Variants in GFRA1 observed in about 807,000 individuals in gnomAD.
GFRA1 encodes the protein GDNF family receptor alpha 1, also known as GDNF family receptor alpha-1.
In GFRA1, 16 loss-of-function variants were observed where a neutral mutation model predicts 51.6. That is an observed-to-expected ratio of 0.31 (90% CI 0.21 to 0.47). The LOEUF is 0.47. Among genes scored for constraint, GFRA1 ranks in the 20% least tolerant of loss-of-function variants. The pLI, the probability that GFRA1 is intolerant of heterozygous loss-of-function variation, is 1.00. For synonymous variants in GFRA1, 270 were observed against 241.3 expected (o/e 1.12, Z -1.10); for missense variants, 530 against 594.3 (o/e 0.89, Z 1.13).
chr10:116,253,983 G>A (rs1459652392), intron 4 of GFRA1, among the ~76,000 whole-genome samples: 3 of 151,960 alleles, frequency 2.0e-5, no homozygotes, highest in South Asian at 2.1e-4. Flanking sequence ...TGCCCCTCAC[G>A]CATACTCAAG....
At chr10:116,205,737 G>A (rs191390164) in intron 5 of GFRA1, among the ~76,000 whole-genome samples, 1 of 151,832 alleles carries the variant, frequency 6.6e-6, no homozygotes, top group African/African-American at 2.4e-5. Flanking sequence ...AGCGGTGGGA[G>A]ACCCTTTAAA....
rs548341580 is a variant in GFRA1, at chr10:116,097,493, T to C, written c.771-729A>G. Among the ~76,000 whole-genome samples the C allele has an allele frequency of 3.3e-5, 5 of 152,228 alleles. No individual in the cohort carries two copies. In the South Asian group the frequency reaches 1.0e-3, roughly 32 times the overall value. ...GCCGGTGCAGTCCACCCAGAAGCCC[T>C]GGGTGGCAGTGAAGATGCAGCAGCC... On this transcript the variant is annotated intron_variant, in intron 6 of 10. Coordinates refer to ENST00000355422, the MANE Select transcript of GFRA1 (RefSeq NM_005264.8).
chr10:116,084,375 ACC>A (rs1287369296), intron 9 of GFRA1, among the ~76,000 whole-genome samples: 1 of 152,180 alleles, frequency 6.6e-6, no homozygotes, highest in Non-Finnish European at 1.5e-5. Flanking sequence ...TCCATGTCTC[ACC>A]CACAGATGTG....
chr10:116,068,743 C>T (rs1168919177), intron 9 of GFRA1, among the ~76,000 whole-genome samples: 2 of 152,114 alleles, frequency 1.3e-5, no homozygotes, highest in African/African-American at 4.8e-5. Flanking sequence ...GGCTTTTATC[C>T]CAAGCATTTC....
In GFRA1 at chr10:116,058,068, G is replaced by A. The variant is rs1051127989; in HGVS notation, c.*6330C>T. On this transcript the variant is annotated 3_prime_UTR_variant, in exon 11 of 11. Transcript: ENST00000355422. ...ACAGAGAGAACCACGCTTTATTGGCGGAGCCTTATGTGCCAGCGAACTGAG... is the reference window on the plus strand; with the variant it reads ...ACAGAGAGAACCACGCTTTATTGGCAGAGCCTTATGTGCCAGCGAACTGAG... The A allele has an allele frequency of 6.9e-6, 1 of 145,388 alleles. No homozygotes were observed. Among genetic ancestry groups the A allele is most frequent in the East Asian group, 2.3e-4 (1 of 4,414 alleles). 9.0% of individuals were successfully genotyped at this position (145,388 alleles called of 1,614,324 possible).
intron 6 of GFRA1, 111 bp from the exon 7 acceptor site, chr10:116,096,875 G>GCACACA (rs757516182): frequency 3.2e-5 from 15 of 474,078 alleles, no homozygotes; most frequent in African/African-American, 9.6e-5. Flanking sequence ...TTCTGCACAC[G>GCACACA]CACACGCACA....
chr10:116,079,065 AATCATCCAGCGCGC>A (rs1955737752), intron 9 of GFRA1, among the ~76,000 whole-genome samples: 1 of 152,094 alleles, frequency 6.6e-6, no homozygotes, highest in African/African-American at 2.4e-5. Flanking sequence ...TCTGCAGGGT[AATCATCCAGCGCGC>A]TGGATGCGTA....
intron 2 of GFRA1, among the ~76,000 whole-genome samples, chr10:116,271,546 G>A (rs562202646): frequency 2.8e-3 from 427 of 152,282 alleles, no homozygotes; most frequent in African/African-American, 9.9e-3. Context: ...GCGCGCGCTG[G>A]GCGCGGGGCA....
chr10:116,142,522 T>C (rs1347525933), intron 5 of GFRA1, among the ~76,000 whole-genome samples: 1 of 152,230 alleles, frequency 6.6e-6, no homozygotes, highest in Non-Finnish European at 1.5e-5. Flanking sequence ...GGTTAGCCAG[T>C]AATTGTTTAT....
At chr10:116,084,074 C>A (rs967248549) in intron 9 of GFRA1, among the ~76,000 whole-genome samples, 6 of 152,144 alleles carry the variant, frequency 3.9e-5, no homozygotes, top group Non-Finnish European at 8.8e-5. Flanking sequence ...CAGATGCCCA[C>A]CCCAAGGCCT....
Position 116,270,862 on chromosome 10 carries a change from G to T in GFRA1, c.294C>A (p.Asn98Lys). The change falls in exon 3 of 11, where the codon AAC becomes AAA. Residue 98 changes from asparagine (N) to lysine (K), a missense_variant. Transcript: ENST00000355422. ...RCKRGMKKEK[N>K]CLRIYWSMYQ... ...ACATGCTCCAGTAAATGCGCAGGCA[G>T]TTCTTCTCCTTCTTCATACCCCGCT... 1.2e-6 allele frequency: 2 copies of T among 1,613,920 alleles called. No homozygotes were observed. The highest frequency in any genetic ancestry group is 1.7e-6 in the Non-Finnish European group (2 of 1,180,018).
chr10:116,226,134 C>A (rs1178021590), intron 4 of GFRA1, among the ~76,000 whole-genome samples: 1 of 152,144 alleles, frequency 6.6e-6, no homozygotes, highest in African/African-American at 2.4e-5. Context: ...TGGTAATTAA[C>A]TTTGAAGTCC....
chr10:116,087,248 G>A (rs912867302), intron 9 of GFRA1, among the ~76,000 whole-genome samples: 2 of 136,592 alleles, frequency 1.5e-5, no homozygotes, highest in Admixed American at 1.5e-4. Flanking sequence ...GTACCACGGG[G>A]AGCCCAAGTC....
chr10:116,258,377 C>CCAATA lies in GFRA1; in HGVS notation c.418+11125_418+11126insTATTG, dbSNP rs1555173808. 1.4e-3 allele frequency among the ~76,000 whole-genome samples: 12 copies of CCAATA among 8,578 alleles called. No homozygotes were observed. In the Admixed American group the frequency reaches 0.025, roughly 18 times the overall value. The allele number at this position is 8,578 out of a possible 152,430, so 5.6% of individuals were successfully genotyped here. A position where few individuals can be genotyped will look rare whatever the true frequency, so the allele number is the denominator to read the frequency against. The stretch of plus-strand genomic sequence containing the variant: ...ATAATATATAATAATAAAATAATAT[C>CCAATA]TAATATATTAATTAATAAAATAAAA... On this transcript the variant is annotated intron_variant, in intron 4 of 10. Transcript: ENST00000355422.
intron 5 of GFRA1, among the ~76,000 whole-genome samples, chr10:116,194,359 C>T (rs889632888): frequency 6.9e-4 from 105 of 152,340 alleles, no homozygotes; most frequent in African/African-American, 2.4e-3. Flanking sequence ...CTGACCCCCA[C>T]CCTCACCTTG....
intron 5 of GFRA1, among the ~76,000 whole-genome samples, chr10:116,156,639 A>C (rs1256703331): frequency 6.6e-6 from 1 of 152,234 alleles, no homozygotes. Flanking sequence ...ATCTGATTCC[A>C]ATTAAATGGT....
intron 6 of GFRA1, among the ~76,000 whole-genome samples, chr10:116,123,122 T>G (rs949626839): frequency 1.3e-5 from 2 of 152,224 alleles, no homozygotes; most frequent in Non-Finnish European, 2.9e-5. Flanking sequence ...TTCATTTTAT[T>G]CATCTTCAGC....
chr10:116,114,023 T>G (rs971753502), intron 6 of GFRA1, among the ~76,000 whole-genome samples: 2 of 152,136 alleles, frequency 1.3e-5, no homozygotes, highest in Admixed American at 1.3e-4. Context: ...CCCCCGGGTG[T>G]GGCTTTGCTT....
At chr10:116,221,590 A>C (rs1310943695) in intron 4 of GFRA1, among the ~76,000 whole-genome samples, 1 of 152,112 alleles carries the variant, frequency 6.6e-6, no homozygotes, top group Non-Finnish European at 1.5e-5. Context: ...ACGGCCAGCT[A>C]ATTTTTGTGA....
Sources: gnomAD v4.1 joint callset for allele counts (sites outside exome capture counted in the v4.1 genomes callset) on GRCh38, gnomAD v4.1.1 for gene constraint, MANE v1.5 for transcripts, NCBI Gene and HGNC (gene_info 2026-07-23, HGNC 2026-07-21) for gene names.